PA2G4: variants seen among roughly 807,000 people sequenced by gnomAD.
PA2G4 encodes the protein proliferation-associated protein 2G4.
Under a neutral mutation model 53.3 loss-of-function variants are expected in PA2G4, and 8 were observed. The ratio of observed to expected loss-of-function variants is 0.15; its 90% confidence interval spans 0.09 to 0.27. PA2G4 has a LOEUF of 0.27. Among genes scored for constraint, PA2G4 ranks in the 10% least tolerant of loss-of-function variants. The probability of loss-of-function intolerance (pLI) is 1.00; values close to 1 mark genes in which losing one functional copy is unlikely to be tolerated. For synonymous variants in PA2G4, 143 were observed against 169.8 expected, an observed-to-expected ratio of 0.84 and a Z score of 1.23; for missense variants, 208 against 486.8, an observed-to-expected ratio of 0.43 and a Z score of 5.39.
At position 56,111,325 on chromosome 12, in the gene PA2G4, A is replaced by T. The variant is rs775937890; in HGVS notation, c.1065+16A>T. The T allele has an allele frequency of 4.3e-6, 7 of 1,613,992 alleles. No individual in the cohort carries two copies. The East Asian group carries it at 1.1e-4, about 26-fold the overall frequency. On this transcript the variant is annotated intron_variant, in intron 11 of 12. Transcript: ENST00000303305. ...AGAGCTAAAGGTTAGTATGGAATAGAAGGTGGTGAGTATGTACATGGTATC... is the reference window on the plus strand; with the variant it reads ...AGAGCTAAAGGTTAGTATGGAATAGTAGGTGGTGAGTATGTACATGGTATC...
intron 5 of PA2G4, 25 bp from the exon 6 acceptor site, chr12:56,109,205 C>G (rs1565864541): frequency 6.4e-7 from 1 of 1,566,440 alleles, no homozygotes; most frequent in Non-Finnish European, 8.8e-7. Context: ...GATATCTCAC[C>G]TTTCATTTGA....
At position 56,113,666 on chromosome 12, in the gene PA2G4, T is replaced by C. The variant is rs1869479376; in HGVS notation, c.*778T>C. On this transcript the variant is annotated 3_prime_UTR_variant, in exon 13 of 13. Coordinates refer to ENST00000303305, the MANE Select transcript of PA2G4 (RefSeq NM_006191.3). ...TGGTTTTGTTCCCTGTTTGAAATAT[T>C]GTGATCTCCCTCCCATGAAAGAAAA... is the stretch of plus-strand genomic sequence containing the variant. 5.0e-6 allele frequency: 3 copies of C among 598,550 alleles called. No individual in the cohort carries two copies. The highest frequency in any genetic ancestry group is 8.8e-6 in the Non-Finnish European group (3 of 339,818). 37.1% of individuals were successfully genotyped at this position (598,550 alleles called of 1,614,324 possible).
chr12:56,110,709 G>A lies in PA2G4; in HGVS notation c.842+17G>A. On this transcript the variant is annotated intron_variant, in intron 9 of 12. Transcript: ENST00000303305. Reference sequence around the variant, plus strand: ...TACTTTAAGGTACTAAGCAATGATAGTACTTGGAACCAGTCTGACTCACAG... The same window carrying A: ...TACTTTAAGGTACTAAGCAATGATAATACTTGGAACCAGTCTGACTCACAG... 1 of 1,613,748 alleles carries A rather than the reference G, an allele frequency of 6.2e-7. No homozygotes were observed. The highest frequency in any genetic ancestry group is 8.5e-7 in the Non-Finnish European group (1 of 1,179,802).
chr12:56,111,432 C>G (rs753802431), intron 11 of PA2G4, 44 bp from the exon 12 acceptor site: 6 of 1,608,710 alleles, frequency 3.7e-6, no homozygotes, highest in Non-Finnish European at 5.1e-6. Context: ...TTTTAATTTC[C>G]TCCACATTTC....
chr12:56,106,888 G>A, intron 2 of PA2G4, 102 bp from the exon 3 acceptor site: 3 of 1,290,852 alleles, frequency 2.3e-6, no homozygotes, highest in East Asian at 4.6e-5. Flanking sequence ...CCAAACTGAT[G>A]AAACTTAAGC....
In PA2G4 at chr12:56,113,804, C is replaced by G; in HGVS notation, c.*916C>G. On this transcript the variant is annotated 3_prime_UTR_variant, in exon 13 of 13. Coordinates refer to ENST00000303305, the MANE Select transcript of PA2G4 (RefSeq NM_006191.3). ...AGAGAAAGGTGACAAATTTCAGTACCTCTGGCATGCTGTCCCAGGAAACTA... is the reference window on the plus strand; with the variant it reads ...AGAGAAAGGTGACAAATTTCAGTACGTCTGGCATGCTGTCCCAGGAAACTA... 1.4e-6 allele frequency: 1 copy of G among 700,982 alleles called. No individual in the cohort carries two copies. Among genetic ancestry groups the G allele is most frequent in the East Asian group, 2.7e-5 (1 of 37,286 alleles). The allele number at this position is 700,982 out of a possible 1,614,324, so 43.4% of individuals were successfully genotyped here.
At chr12:56,107,978 A>G (rs1191211039) in intron 5 of PA2G4, among the ~76,000 whole-genome samples, 1 of 152,202 alleles carries the variant, frequency 6.6e-6, no homozygotes, top group Admixed American at 6.5e-5. Flanking sequence ...GTGCTGAGCT[A>G]TGATCATGCC....
intron 4 of PA2G4, 131 bp downstream of exon 4, chr12:56,107,387 T>TTTG (rs768584039): frequency 8.8e-6 from 9 of 1,023,246 alleles, no homozygotes; most frequent in African/African-American, 6.3e-5. Flanking sequence ...GAGAAAGGTT[T>TTTG]TTGTTGTTGT....
intron 12 of PA2G4, among the ~76,000 whole-genome samples, chr12:56,112,468 A>G (rs1364732809): frequency 1.3e-5 from 2 of 152,214 alleles, no homozygotes; most frequent in Non-Finnish European, 2.9e-5. Flanking sequence ...GGATTGAGAT[A>G]ACTTTATGGC....
intron 1 of PA2G4, chr12:56,105,060 G>A (rs778137682): frequency 1.4e-6 from 1 of 697,738 alleles, no homozygotes; most frequent in Non-Finnish European, 2.6e-6. Context: ...GCAGAGAGGG[G>A]ACCCTGGCAG....
intron 5 of PA2G4, 71 bp from the exon 6 acceptor site, chr12:56,109,159 C>G: frequency 1.1e-5 from 9 of 818,542 alleles, no homozygotes; most frequent in Non-Finnish European, 1.4e-5. Context: ...TTCTTTTATG[C>G]TTCTTATTCT....
intron 1 of PA2G4, 34 bp downstream of exon 1, chr12:56,104,859 C>G (rs374612416): frequency 6.4e-7 from 1 of 1,562,512 alleles, no homozygotes; most frequent in Admixed American, 1.7e-5. Context: ...GGAATCAAGG[C>G]TGATAGGGAA....
chr12:56,109,316 A>G, intron 6 of PA2G4, 23 bp downstream of exon 6: 1 of 1,590,134 alleles, frequency 6.3e-7, no homozygotes, highest in South Asian at 1.1e-5. Flanking sequence ...AACAGGGTTG[A>G]GGGTCTAAGA....
intron 9 of PA2G4, 60 bp downstream of exon 9, chr12:56,110,752 A>C: frequency 1.3e-6 from 2 of 1,598,538 alleles, no homozygotes; most frequent in Non-Finnish European, 1.7e-6. Context: ...ACCCAGGAAC[A>C]CTTTTTCCTC....
Position 56,112,937 on chromosome 12 carries a change from A to T in PA2G4, c.*49A>T. Reference sequence around the variant, plus strand: ...GCTGCTCCTGCCTCATCCCCTTCCCACCAAACCCCAGACTCTGTGAAGTGC... The same window carrying T: ...GCTGCTCCTGCCTCATCCCCTTCCCTCCAAACCCCAGACTCTGTGAAGTGC... On this transcript the variant is annotated 3_prime_UTR_variant, in exon 13 of 13. Coordinates refer to ENST00000303305, the MANE Select transcript of PA2G4 (RefSeq NM_006191.3). The T allele has an allele frequency of 1.6e-6, 2 of 1,242,442 alleles. No individual in the cohort carries two copies. The highest frequency in any genetic ancestry group is 2.2e-6 in the Non-Finnish European group (2 of 892,664). The allele number at this position is 1,242,442 out of a possible 1,614,324, so 77.0% of individuals were successfully genotyped here.
chr12:56,106,825 G>A, intron 2 of PA2G4, 109 bp downstream of exon 2: 1 of 1,436,328 alleles, frequency 7.0e-7, no homozygotes, highest in Non-Finnish European at 9.4e-7. Context: ...CTCTGGCTGA[G>A]GTATTTGGAA....
At chr12:56,110,377 C>G (rs141551337) in intron 7 of PA2G4, 22 bp from the exon 8 acceptor site, 2 of 1,433,590 alleles carry the variant, frequency 1.4e-6, no homozygotes, top group Non-Finnish European at 2.0e-6. Context: ...AAAAAAAATT[C>G]CTTTCTCTCT....
At position 56,112,981 on chromosome 12, in the gene PA2G4, A is replaced by G; in HGVS notation, c.*93A>G. ...GAAGTGCAGTTCTTCTCCACCTAGG[A>G]CCGCCAGCAGAGCGGGGGGATCTCC... On this transcript the variant is annotated 3_prime_UTR_variant, in exon 13 of 13. Transcript: ENST00000303305. 1.2e-6 allele frequency: 1 copy of G among 818,344 alleles called. No individual in the cohort carries two copies. The highest frequency in any genetic ancestry group is 1.9e-6 in the Non-Finnish European group (1 of 535,306). 50.7% of individuals were successfully genotyped at this position (818,344 alleles called of 1,614,324 possible).
At chr12:56,109,591 G>C (rs899546919) in intron 6 of PA2G4, among the ~76,000 whole-genome samples, 1 of 146,852 alleles carries the variant, frequency 6.8e-6, no homozygotes, top group East Asian at 2.0e-4. Context: ...CTGCACTCCA[G>C]TCTGGGCAAT....
Sources: gnomAD v4.1 joint callset for allele counts (sites outside exome capture counted in the v4.1 genomes callset) on GRCh38, gnomAD v4.1.1 for gene constraint, MANE v1.5 for transcripts, NCBI Gene and HGNC (gene_info 2026-07-23, HGNC 2026-07-21) for gene names.